Variants in TTLL11 observed in about 807,000 individuals in gnomAD.
The protein encoded by TTLL11 is tubulin polyglutamylase TTLL11.
TTLL11 carries 42 observed loss-of-function variants against 51.7 expected under a neutral mutation model. The observed-to-expected ratio is 0.81, with a 90% CI of 0.64 to 1.05. The LOEUF (loss-of-function observed/expected upper bound fraction) is 1.05. Among genes scored for constraint, TTLL11 ranks in the 50% least tolerant of loss-of-function variants. The probability of loss-of-function intolerance (pLI) is 0.00; values close to 1 mark genes in which losing one functional copy is unlikely to be tolerated. For synonymous variants in TTLL11, 381 were observed against 383.5 expected, an observed-to-expected ratio of 0.99 and a Z score of 0.08; for missense variants, 799 against 940.4, an observed-to-expected ratio of 0.85 and a Z score of 1.97.
At chr9:121,982,363 C>G (rs181463437) in intron 4 of TTLL11, among the ~76,000 whole-genome samples, 3 of 152,224 alleles carry the variant, frequency 2.0e-5, no homozygotes, top group Admixed American at 6.5e-5. Context: ...TCCCTCATCA[C>G]CAGAAGCAAA....
At chr9:122,080,527 A>T (rs10985518) in intron 1 of TTLL11, among the ~76,000 whole-genome samples, 13,819 of 151,734 alleles carry the variant, frequency 0.091, 1,153 homozygotes, top group African/African-American at 0.23. Context: ...TACAAAAAAA[A>T]ATATATATAT....
At chr9:121,852,001 T>C (rs908884387) in intron 8 of TTLL11, among the ~76,000 whole-genome samples, 2 of 152,224 alleles carry the variant, frequency 1.3e-5, no homozygotes, top group Admixed American at 1.3e-4. Flanking sequence ...CATCTTCATG[T>C]GCCTGTGACG....
intron 7 of TTLL11, among the ~76,000 whole-genome samples, chr9:121,864,803 G>A (rs1403257043): frequency 1.3e-5 from 2 of 152,178 alleles, no homozygotes; most frequent in Non-Finnish European, 2.9e-5. Context: ...AGGAGTCCAA[G>A]TATAGAAATA....
At chr9:121,978,229 C>T (rs1190143434) in intron 4 of TTLL11, among the ~76,000 whole-genome samples, 6 of 152,146 alleles carry the variant, frequency 3.9e-5, no homozygotes, top group Non-Finnish European at 5.9e-5. Flanking sequence ...TATGTAGCAT[C>T]AATGGATCTT....
At chr9:121,974,828 G>T in intron 5 of TTLL11, 56 bp downstream of exon 5, 2 of 1,284,982 alleles carry the variant, frequency 1.6e-6, no homozygotes, top group Non-Finnish European at 2.2e-6. Flanking sequence ...GCAACATGAG[G>T]GTAGGAATAT....
Position 121,887,062 on chromosome 9 carries a change from G to T in TTLL11, c.1482-16314C>A, listed in dbSNP as rs1426344034. ...CAGACCAGGATGATGAGCCTGTCAC[G>T]GTGGGTTTCACAAAACATCTGTTTC... On this transcript the variant is annotated intron_variant, in intron 6 of 8. Transcript: ENST00000321582. 2.0e-5 allele frequency among the ~76,000 whole-genome samples: 3 copies of T among 152,170 alleles called. No individual in the cohort carries two copies. The East Asian group carries it at 5.8e-4, about 29-fold the overall frequency.
chr9:122,045,253 C>T (rs1484746326), intron 1 of TTLL11, among the ~76,000 whole-genome samples: 1 of 151,758 alleles, frequency 6.6e-6, no homozygotes, highest in African/African-American at 2.4e-5. Flanking sequence ...GGTGTATCCC[C>T]CAAAAGAATT....
intron 1 of TTLL11, among the ~76,000 whole-genome samples, chr9:122,055,006 T>C (rs773041651): frequency 8.5e-5 from 13 of 152,154 alleles, no homozygotes; most frequent in Non-Finnish European, 1.5e-4. Context: ...CACCAGAGCG[T>C]TGGTCTAAAG....
At position 121,974,112 on chromosome 9, in the gene TTLL11, C is replaced by T; in HGVS notation, c.1378G>A (p.Val460Met). ...ACGAGGCTGGGGACATTTTCAAACA[C>T]CCCTGGAGAAAGCTTGAACGGGTAA... ...IEHEHELSPG[V>M]FENVPSLVDE... is the part of the protein sequence containing the mutation. The change falls in exon 6 of 9, where the codon GTG becomes ATG. Residue 460 changes from valine to methionine, a missense_variant. Transcript: ENST00000321582. 1.9e-6 allele frequency: 3 copies of T among 1,551,434 alleles called. No individual in the cohort carries two copies. The highest frequency in any genetic ancestry group is 1.4e-5 in the African/African-American group (1 of 73,166).
At chr9:122,064,328 T>C (rs139758562) in intron 1 of TTLL11, among the ~76,000 whole-genome samples, 1 of 152,276 alleles carries the variant, frequency 6.6e-6, no homozygotes, top group East Asian at 1.9e-4. Flanking sequence ...GAAGGCTAAA[T>C]TCTAAAATGT....
chr9:121,971,106 G>A (rs1178311442), intron 6 of TTLL11, among the ~76,000 whole-genome samples: 4 of 126,260 alleles, frequency 3.2e-5, no homozygotes, highest in South Asian at 2.7e-4. Context: ...CGCCCCGTCC[G>A]GGAGGGAGGT....
intron 3 of TTLL11, among the ~76,000 whole-genome samples, chr9:122,026,699 T>A (rs1020996663): frequency 2.6e-5 from 4 of 151,978 alleles, no homozygotes; most frequent in African/African-American, 9.7e-5. Flanking sequence ...ACTAGACACT[T>A]AGTAATTAAA....
chr9:121,886,632 A>G (rs1268383449), intron 6 of TTLL11, among the ~76,000 whole-genome samples: 2 of 152,222 alleles, frequency 1.3e-5, no homozygotes, highest in African/African-American at 2.4e-5. Context: ...TGTTGTTCTA[A>G]GTCACGCAGT....
intron 6 of TTLL11, among the ~76,000 whole-genome samples, chr9:121,874,705 A>T (rs527598330): frequency 3.5e-4 from 54 of 152,168 alleles, no homozygotes; most frequent in Non-Finnish European, 5.4e-4. Context: ...ATTTGACTAA[A>T]TAGAGTCAGT....
At chr9:121,940,777 A>G (rs1841426903) in intron 6 of TTLL11, among the ~76,000 whole-genome samples, 1 of 152,248 alleles carries the variant, frequency 6.6e-6, no homozygotes, top group Non-Finnish European at 1.5e-5. Context: ...CAGGCTCCAT[A>G]GGACATTTGC....
intron 1 of TTLL11, among the ~76,000 whole-genome samples, chr9:122,046,198 C>T (rs924467806): frequency 3.3e-5 from 5 of 152,142 alleles, no homozygotes; most frequent in Non-Finnish European, 5.9e-5. Context: ...GTGATTGGAT[C>T]ATGGGGACAG....
intron 7 of TTLL11, 71 bp from the exon 8 acceptor site, chr9:121,860,514 G>A: frequency 1.6e-6 from 2 of 1,225,246 alleles, no homozygotes; most frequent in Non-Finnish European, 2.3e-6. Context: ...CTCCACTCCT[G>A]TTAGGGACTG....
At chr9:121,910,798 A>G (rs1840089408) in intron 6 of TTLL11, among the ~76,000 whole-genome samples, 1 of 152,264 alleles carries the variant, frequency 6.6e-6, no homozygotes, top group South Asian at 2.1e-4. Flanking sequence ...GATTGTCTCA[A>G]GTATAATCAT....
intron 2 of TTLL11, among the ~76,000 whole-genome samples, chr9:122,034,508 G>A (rs1175827726): frequency 1.3e-5 from 2 of 152,216 alleles, no homozygotes; most frequent in Non-Finnish European, 2.9e-5. Flanking sequence ...CTGAATGCCT[G>A]TCTCCAGGAG....
Sources: allele counts gnomAD v4.1 joint callset (sites outside exome capture counted in the v4.1 genomes callset), GRCh38; gene constraint gnomAD v4.1.1; transcripts MANE v1.5; gene names NCBI Gene and HGNC (gene_info 2026-07-23, HGNC 2026-07-21).